ITPR3: variants seen among roughly 807,000 people sequenced by gnomAD.
The protein encoded by ITPR3 is inositol 1,4,5-trisphosphate receptor type 3.
ITPR3 carries 173 observed loss-of-function variants against 293.2 expected under a neutral mutation model. The ratio of observed to expected loss-of-function variants is 0.59; its 90% CI spans 0.52 to 0.67. The LOEUF (loss-of-function observed/expected upper bound fraction) is 0.67. Ranked by LOEUF, ITPR3 falls within the 30% of genes least tolerant of loss-of-function variation. The pLI is 0.00. For synonymous variants in ITPR3, 1,295 were observed against 1,444.4 expected (o/e 0.90, Z 2.35); for missense variants, 2,796 against 3,592.1 (o/e 0.78, Z 5.66).
chr6:33,623,641 A>G (rs1011361065), intron 1 of ITPR3, among the ~76,000 whole-genome samples: 3 of 152,066 alleles, frequency 2.0e-5, no homozygotes, highest in African/African-American at 7.2e-5. Flanking sequence ...TAACAAGATC[A>G]GGGAAAACAT....
intron 25 of ITPR3, among the ~76,000 whole-genome samples, chr6:33,676,093 C>T (rs756896942): frequency 6.6e-6 from 1 of 152,270 alleles, no homozygotes; most frequent in African/African-American, 2.4e-5. Flanking sequence ...TGCACCTATG[C>T]TAAATGCTTT....
chr6:33,681,587 G>A (rs1765078724), intron 33 of ITPR3, among the ~76,000 whole-genome samples: 2 of 152,140 alleles, frequency 1.3e-5, no homozygotes, highest in African/African-American at 4.8e-5. Context: ...TTCCCTTAAG[G>A]AAGGGCCCTG....
At chr6:33,642,787 C>A (rs527272578) in intron 2 of ITPR3, among the ~76,000 whole-genome samples, 13 of 152,248 alleles carry the variant, frequency 8.5e-5, no homozygotes, top group Admixed American at 2.0e-4. Context: ...CTGGGTCCAT[C>A]CAGCAAAGTG....
At position 33,640,551 on chromosome 6, in the gene ITPR3, C is replaced by G. The variant is rs773773160; in HGVS notation, c.157C>G (p.Arg53Gly). Residue 53 changes from arginine (R) to glycine (G), a missense_variant, in exon 2 of 58, where the codon CGT becomes GGT. Physicochemically the swap from Arg to Gly is moderately radical, Grantham distance 125. This residue lies in a region of ITPR3 where 53 missense variants were observed against 45.7 expected (regional missense o/e 1.16). Coordinates refer to ENST00000605930, the MANE Select transcript of ITPR3 (RefSeq NM_002224.4). Reference protein sequence around the residue: ...GDLDNPPKKFRDCLFKVCPMN... With the variant: ...GDLDNPPKKFGDCLFKVCPMN... ...CCTGGACAACCCCCCTAAGAAGTTC[C>G]GTGGTAAGACCTCCGCTTCCTCTGC... The G allele has an allele frequency of 6.2e-7, 1 of 1,612,166 alleles. No individual in the cohort carries two copies. Among genetic ancestry groups the G allele is most frequent in the Non-Finnish European group, 8.5e-7 (1 of 1,179,070 alleles).
chr6:33,667,016 G>C lies in ITPR3; in HGVS notation c.1552-113G>C. On this transcript the variant is annotated intron_variant, in intron 14 of 57. Coordinates refer to ENST00000605930, the MANE Select transcript of ITPR3 (RefSeq NM_002224.4). This position sits in a 1 kb window ranked among gnomAD's most constrained non-coding sequence, Gnocchi z 4.4. ...AGCTTAGAATCAGCTCGAAGCTGAT[G>C]TCCGGGCTGGCTTTAGGGCAGAGTC... 7.9e-7 allele frequency: 1 copy of C among 1,267,052 alleles called. No homozygotes were observed. Among genetic ancestry groups the C allele is most frequent in the Non-Finnish European group, 1.1e-6 (1 of 902,172 alleles). 78.5% of individuals were successfully genotyped at this position (1,267,052 alleles called of 1,614,324 possible). A position where few individuals can be genotyped will look rare whatever the true frequency, so the allele number is the denominator to read the frequency against.
chr6:33,684,376 G>T lies in ITPR3; in HGVS notation c.4957G>T (p.Asp1653Tyr). 6.2e-7 allele frequency: 1 copy of T among 1,614,016 alleles called. No homozygotes were observed. The highest frequency in any genetic ancestry group is 1.1e-5 in the South Asian group (1 of 91,078). ...FLSKLIQHTK[D>Y]LMESEEKLCI... ...GCTCAGGCTGATCCAGCACACCAAG[G>T]ACCTCATGGAGTCGGAGGAGAAGCT... The change falls in exon 37 of 58, where the codon GAC (aspartate) becomes TAC (tyrosine). Residue 1653 changes from aspartate to tyrosine, a missense_variant. Physicochemically the swap from Asp to Tyr is radical, Grantham distance 160 (BLOSUM62 -3). This residue lies in a region of ITPR3 where 704 missense variants were observed against 797.5 expected (regional missense o/e 0.88). Transcript: ENST00000605930. This position sits in a 1 kb window ranked among gnomAD's most constrained non-coding sequence, Gnocchi z 4.2.
Position 33,658,185 on chromosome 6 carries a change from G to T in ITPR3, c.369+167G>T, listed in dbSNP as rs565380886. Among the ~76,000 whole-genome samples the T allele has an allele frequency of 6.6e-6, 1 of 152,274 alleles. No individual in the cohort carries two copies. The highest frequency in any genetic ancestry group is 2.1e-4 in the South Asian group (1 of 4,828). On this transcript the variant is annotated intron_variant, in intron 4 of 57. Coordinates refer to ENST00000605930, the MANE Select transcript of ITPR3 (RefSeq NM_002224.4). The surrounding 1 kb of genome is among the most constrained non-coding windows in gnomAD (Gnocchi z 6.1). ...TGGCTGTGCGTCTGACTGTGTGTGT[G>T]TCTGTTGCTGTGTGGCCTGAGTAGC...
In ITPR3 at chr6:33,665,829, AC is replaced by A. The variant is rs756782282; in HGVS notation, c.1410-3del. ...ACACTCGTCATCCCCGGGTCCCCTC[AC>A]CCAGGTTTGTCATCCAGCTGCTGGA... On this transcript the variant is annotated splice_region_variant and splice_polypyrimidine_tract_variant and intron_variant, in intron 13 of 57. Transcript: ENST00000605930. The A allele has an allele frequency of 8.7e-6, 14 of 1,613,820 alleles. No individual in the cohort carries two copies. Among genetic ancestry groups the A allele is most frequent in the Non-Finnish European group, 8.5e-7 (1 of 1,179,844 alleles).
At chr6:33,646,870 T>C (rs1315698681) in intron 2 of ITPR3, among the ~76,000 whole-genome samples, 1 of 152,084 alleles carries the variant, frequency 6.6e-6, no homozygotes, top group Non-Finnish European at 1.5e-5. Context: ...TGAGCCGTGA[T>C]TGCACCACTG....
chr6:33,626,061 A>C (rs561685175), intron 1 of ITPR3, among the ~76,000 whole-genome samples: 3 of 152,266 alleles, frequency 2.0e-5, no homozygotes, highest in African/African-American at 7.2e-5. Flanking sequence ...CAGCCGCCCG[A>C]GTAGCTGGGA....
intron 1 of ITPR3, among the ~76,000 whole-genome samples, chr6:33,631,475 C>T (rs1485469652): frequency 1.3e-5 from 2 of 152,182 alleles, no homozygotes; most frequent in African/African-American, 4.8e-5. Context: ...CATATGTCAG[C>T]GTTTTCTTCT....
intron 56 of ITPR3, chr6:33,694,567 A>G (rs1765486127): frequency 7.9e-6 from 2 of 253,790 alleles, no homozygotes; most frequent in South Asian, 4.1e-5. Context: ...GGGCGGGAGG[A>G]AGGAAGGAAG....
At chr6:33,651,821 C>T (rs1034998879) in intron 2 of ITPR3, among the ~76,000 whole-genome samples, 4 of 152,202 alleles carry the variant, frequency 2.6e-5, no homozygotes, top group Non-Finnish European at 4.4e-5. Context: ...TCAGCCCTGT[C>T]GGACCTGGAG....
chr6:33,691,001 GC>G lies in ITPR3; in HGVS notation c.7120del (p.Leu2374CysfsTer86). 6.2e-7 allele frequency: 1 copy of G among 1,614,160 alleles called. No individual in the cohort carries two copies. Among genetic ancestry groups the G allele is most frequent in the Non-Finnish European group, 8.5e-7 (1 of 1,180,008 alleles). ...CAATGGCCGCTCCATCCTGCTGACAGCCCTGCTGGCCCTCATCCTGGTCTAC... is the reference window on the plus strand; with the variant it reads ...CAATGGCCGCTCCATCCTGCTGACAGCCTGCTGGCCCTCATCCTGGTCTAC... ...TRNGRSILLT[A>X]LLALILVYLF... On this transcript the variant is annotated frameshift_variant, in exon 52 of 58. Coordinates refer to ENST00000605930, the MANE Select transcript of ITPR3 (RefSeq NM_002224.4). LOFTEE classifies it high-confidence loss of function. This position sits in a 1 kb window ranked among gnomAD's most constrained non-coding sequence, Gnocchi z 4.9.
In ITPR3 at chr6:33,662,659, T is replaced by A. The variant is rs750277059; in HGVS notation, c.843T>A (p.Ala281=). 6.2e-7 allele frequency: 1 copy of A among 1,608,202 alleles called. No homozygotes were observed. Among genetic ancestry groups the A allele is most frequent in the East Asian group, 2.2e-5 (1 of 44,860 alleles). The change falls in exon 8 of 58, where the codon GCT becomes GCA. Residue 281 remains alanine (A), a synonymous_variant. Coordinates refer to ENST00000605930, the MANE Select transcript of ITPR3 (RefSeq NM_002224.4). ...CCACCTCGGCCACCAGCTCCAATGC[T>A]CTCTGGGAGGTGGAGGTCAGAAAAG... ...QSATSATSSN[A]LWEVEVVHHD... is the part of the protein sequence containing the mutation.
chr6:33,690,776 G>T (rs374579608), intron 51 of ITPR3, 141 bp from the exon 52 acceptor site: 2 of 697,954 alleles, frequency 2.9e-6, no homozygotes, highest in African/African-American at 3.6e-5. Flanking sequence ...GCTTGGATAC[G>T]ACTAAGTGCA....
At position 33,664,719 on chromosome 6, in the gene ITPR3, T is replaced by C; in HGVS notation, c.1149-151T>C. On this transcript the variant is annotated intron_variant, in intron 11 of 57. Transcript: ENST00000605930. This position sits in a 1 kb window ranked among gnomAD's most constrained non-coding sequence, Gnocchi z 4.4. ...TTCTTATCTGGCTTCAGCCTCCTCA[T>C]CTGGAGGGGCACCAGTGGCTCCTGT... is the stretch of plus-strand genomic sequence containing the variant. 1.5e-6 allele frequency: 1 copy of C among 681,710 alleles called. No homozygotes were observed. The highest frequency in any genetic ancestry group is 2.6e-6 in the Non-Finnish European group (1 of 385,326). The allele number at this position is 681,710 out of a possible 1,614,324, so 42.2% of individuals were successfully genotyped here.
At chr6:33,663,088 C>A in intron 9 of ITPR3, 82 bp downstream of exon 9, 1 of 1,187,020 alleles carries the variant, frequency 8.4e-7, no homozygotes, top group Non-Finnish European at 1.2e-6. Flanking sequence ...CACATACTTG[C>A]ATATGTGGCA....
chr6:33,644,414 C>T (rs781423115), intron 2 of ITPR3, among the ~76,000 whole-genome samples: 7 of 151,818 alleles, frequency 4.6e-5, no homozygotes, highest in East Asian at 3.9e-4. Context: ...TGAGCCACTG[C>T]GCCTGGCCCA....
Sources: allele counts gnomAD v4.1 joint callset (sites outside exome capture counted in the v4.1 genomes callset), GRCh38; gene constraint gnomAD v4.1.1; regional missense constraint gnomAD v4.1.1; non-coding constraint Gnocchi (gnomAD v3.1); transcripts MANE v1.5; gene names NCBI Gene and HGNC (gene_info 2026-07-23, HGNC 2026-07-21).